EDEM1: variants seen among roughly 807,000 people sequenced by gnomAD.
EDEM1 encodes the protein ER degradation-enhancing alpha-mannosidase-like protein 1.
In EDEM1, 67 loss-of-function variants were observed where a neutral mutation model predicts 74.4. That is an observed-to-expected ratio of 0.90 (90% CI 0.74 to 1.10). The LOEUF (loss-of-function observed/expected upper bound fraction) is 1.10, where lower values mean the gene tolerates loss of function less well. Ranked by LOEUF, EDEM1 falls within the 50% of genes least tolerant of loss-of-function variation. The probability of loss-of-function intolerance (pLI) is 0.00; values close to 1 mark genes in which losing one functional copy is unlikely to be tolerated. For missense variants in EDEM1, 926 were observed against 851.6 expected (o/e 1.09, Z -1.09); for synonymous variants, 382 against 335.9 (o/e 1.14, Z -1.50).
intron 1 of EDEM1, among the ~76,000 whole-genome samples, chr3:5,188,710 C>T (rs886441719): frequency 3.3e-5 from 5 of 152,332 alleles, no homozygotes; most frequent in Non-Finnish European, 5.9e-5. Flanking sequence ...TCATGCCCCC[C>T]GTGTAAACGC....
intron 1 of EDEM1, among the ~76,000 whole-genome samples, chr3:5,193,286 A>T (rs895256658): frequency 2.6e-5 from 4 of 152,190 alleles, no homozygotes; most frequent in Admixed American, 2.0e-4. Flanking sequence ...AGAGCAGAAC[A>T]TTCTTGAGTT....
rs536822407 is a variant in EDEM1, at chr3:5,195,293, C to T, written c.582+12C>T. 2 of 1,513,584 alleles carry T rather than the reference C, an allele frequency of 1.3e-6. No individual in the cohort carries two copies. Among genetic ancestry groups the T allele is most frequent in the Admixed American group, 2.0e-5 (1 of 50,044 alleles). 93.8% of individuals were successfully genotyped at this position (1,513,584 alleles called of 1,614,324 possible). ...TGGATACACTTGCAGTAAGTGTTCA[C>T]CTTTTTTTAAAAAAATGAATTAAGA... On this transcript the variant is annotated intron_variant, in intron 2 of 11. Coordinates refer to ENST00000256497, the MANE Select transcript of EDEM1 (RefSeq NM_014674.3).
rs2055161020 is a variant in EDEM1, at chr3:5,211,057, T to G, written c.1584-63T>G. On this transcript the variant is annotated intron_variant, in intron 9 of 11. Transcript: ENST00000256497. ...ATTCTGATAAGAGAATGTTTCTGCT[T>G]CTTAAGTGAATCAGCAGGTGGGAAG... 5 of 1,431,954 alleles carry G rather than the reference T, an allele frequency of 3.5e-6. No homozygotes were observed. In the Admixed American group the frequency reaches 6.8e-5, roughly 20 times the overall value. The allele number at this position is 1,431,954 out of a possible 1,614,324, so 88.7% of individuals were successfully genotyped here. A position where few individuals can be genotyped will look rare whatever the true frequency, so the allele number is the denominator to read the frequency against.
chr3:5,199,629 A>G lies in EDEM1; in HGVS notation c.620A>G (p.Lys207Arg). 3 of 1,613,922 alleles carry G rather than the reference A, an allele frequency of 1.9e-6. No individual in the cohort carries two copies. Among genetic ancestry groups the G allele is most frequent in the Non-Finnish European group, 2.5e-6 (3 of 1,179,908 alleles). Reference sequence around the variant, plus strand: ...TCATCCGAGTTCCAGAAAGCCGTCAAGTTAGTGATCAACACAGTTTCATTT... The same window carrying G: ...TCATCCGAGTTCCAGAAAGCCGTCAGGTTAGTGATCAACACAGTTTCATTT... The part of the protein sequence containing the change: ...GNSSEFQKAV[K>R]LVINTVSFDK... The change falls in exon 3 of 12, where the codon AAG (lysine) becomes AGG (arginine). Residue 207 changes from lysine to arginine, a missense_variant. Transcript: ENST00000256497.
chr3:5,212,777 A>G (rs2106610280), intron 10 of EDEM1, among the ~76,000 whole-genome samples: 2 of 152,306 alleles, frequency 1.3e-5, no homozygotes, highest in Middle Eastern at 6.8e-3. Context: ...CCATTGAGGG[A>G]AAGGACTGTG....
At chr3:5,189,282 C>T (rs1193189449) in intron 1 of EDEM1, 3 of 152,214 alleles carry the variant, frequency 2.0e-5, no homozygotes, top group African/African-American at 7.2e-5. Flanking sequence ...CAAGCATTTT[C>T]CTTCACCTGG....
Position 5,188,222 on chromosome 3 carries a change from C to A in EDEM1, c.417C>A (p.Val139=). 6.3e-7 allele frequency: 1 copy of A among 1,584,348 alleles called. No individual in the cohort carries two copies. Among genetic ancestry groups the A allele is most frequent in the Non-Finnish European group, 8.6e-7 (1 of 1,167,486 alleles). ...GCGACCTGGCACGGGGCATGTTCGTCTTTGGCTACGACAACTACATGGCTC... is the reference window on the plus strand; with the variant it reads ...GCGACCTGGCACGGGGCATGTTCGTATTTGGCTACGACAACTACATGGCTC... ...QMRDLARGMF[V]FGYDNYMAHA... Residue 139 remains valine (V), a synonymous_variant, in exon 1 of 12, where the codon GTC becomes GTA. Coordinates refer to ENST00000256497, the MANE Select transcript of EDEM1 (RefSeq NM_014674.3).
At chr3:5,210,075 C>T (rs748531324) in intron 8 of EDEM1, 100 bp from the exon 9 acceptor site, 182 of 1,009,446 alleles carry the variant, frequency 1.8e-4, no homozygotes, top group Middle Eastern at 4.2e-4. Flanking sequence ...CTTTGGCTGG[C>T]GACTCGTCTC....
intron 9 of EDEM1, 62 bp from the exon 10 acceptor site, chr3:5,211,058 C>T (rs2055161076): frequency 2.1e-6 from 3 of 1,439,828 alleles, no homozygotes; most frequent in East Asian, 2.3e-5. Flanking sequence ...GTTTCTGCTT[C>T]TTAAGTGAAT....
intron 10 of EDEM1, among the ~76,000 whole-genome samples, chr3:5,212,870 G>A (rs996648597): frequency 6.6e-6 from 1 of 152,244 alleles, no homozygotes; most frequent in African/African-American, 2.4e-5. Context: ...TGGGCTCTGT[G>A]CTAGGCCCTG....
Position 5,217,536 on chromosome 3 carries a change from GT to G in EDEM1, c.*1620del, listed in dbSNP as rs1286337414. 6.6e-6 allele frequency: 1 copy of G among 152,510 alleles called. No homozygotes were observed. The allele number at this position is 152,510 out of a possible 1,614,324, so 9.4% of individuals were successfully genotyped here. A position where few individuals can be genotyped will look rare whatever the true frequency, so the allele number is the denominator to read the frequency against. On this transcript the variant is annotated 3_prime_UTR_variant, in exon 12 of 12. Transcript: ENST00000256497. ...TTATTCCTTCTTGAAAATTTTAAGT[GT>G]TATGGTTTTATATAGTTCAGTTCTT...
intron 1 of EDEM1, among the ~76,000 whole-genome samples, chr3:5,190,236 C>T (rs1051533599): frequency 6.6e-6 from 1 of 152,098 alleles, no homozygotes; most frequent in Non-Finnish European, 1.5e-5. Flanking sequence ...TGTGCTTTTC[C>T]ACTAGTGCTC....
At chr3:5,206,684 T>A (rs2055100925) in intron 6 of EDEM1, among the ~76,000 whole-genome samples, 1 of 152,216 alleles carries the variant, frequency 6.6e-6, no homozygotes, top group African/African-American at 2.4e-5. Context: ...TTATTTTTGC[T>A]TTTCAAAGCC....
At chr3:5,191,119 G>A (rs1301605934) in intron 1 of EDEM1, among the ~76,000 whole-genome samples, 3 of 152,096 alleles carry the variant, frequency 2.0e-5, no homozygotes, top group Non-Finnish European at 2.9e-5. Flanking sequence ...CGAATACTAG[G>A]CCTTGAGGAA....
chr3:5,215,867 CTT>C lies in EDEM1; in HGVS notation c.1924_1925del (p.Leu642LysfsTer9). 1 of 1,612,954 alleles carries C rather than the reference CTT, an allele frequency of 6.2e-7. No individual in the cohort carries two copies. The highest frequency in any genetic ancestry group is 1.1e-5 in the South Asian group (1 of 90,766). On this transcript the variant is annotated frameshift_variant, in exon 12 of 12. Coordinates refer to ENST00000256497, the MANE Select transcript of EDEM1 (RefSeq NM_014674.3). LOFTEE classifies it high-confidence loss of function. ...VPDERRYSLP[L>X]KSIYMRQIDQ... The stretch of plus-strand genomic sequence containing the variant: ...CTGATGAGAGGAGGTACTCCCTGCC[CTT>C]AAAGAGCATCTACATGCGACAGATT...
rs1363329305 is a variant in EDEM1, at chr3:5,213,315, C to T, written c.1681-4C>T. On this transcript the variant is annotated splice_region_variant and splice_polypyrimidine_tract_variant and intron_variant, in intron 10 of 11. Coordinates refer to ENST00000256497, the MANE Select transcript of EDEM1 (RefSeq NM_014674.3). ...GGTTGTATCTTTTTCTCCGTTCCCT[C>T]TAGCTGTTTGATGAAGACAATCCAG... 5 of 1,612,450 alleles carry T rather than the reference C, an allele frequency of 3.1e-6. No homozygotes were observed. In the Admixed American group the frequency reaches 5.0e-5, roughly 16 times the overall value.
At chr3:5,213,650 C>T (rs1281215406) in intron 11 of EDEM1, 128 bp downstream of exon 11, 1 of 863,610 alleles carries the variant, frequency 1.2e-6, no homozygotes, top group Non-Finnish European at 1.8e-6. Flanking sequence ...AAAACACCTC[C>T]TAAAGACACC....
chr3:5,187,946 G>T lies in EDEM1; in HGVS notation c.141G>T (p.Arg47Ser). The T allele has an allele frequency of 6.4e-7, 1 of 1,574,452 alleles. No homozygotes were observed. Among genetic ancestry groups the T allele is most frequent in the Non-Finnish European group, 8.6e-7 (1 of 1,164,086 alleles). ...TCAGCTTCGGCTTCCAGCGTCTGAG[G>T]AGCCCCGACGGCCCCGCGTCGCCCA... ...FPLSFGFQRL[R>S]SPDGPASPTS... is the part of the protein sequence containing the mutation. Residue 47 changes from arginine to serine, a missense_variant, in exon 1 of 12, where the codon AGG becomes AGT. Transcript: ENST00000256497.
At position 5,203,001 on chromosome 3, in the gene EDEM1, T is replaced by C. The variant is rs1180826489; in HGVS notation, c.894T>C (p.Asn298=). The C allele has an allele frequency of 1.1e-5, 18 of 1,613,866 alleles. No individual in the cohort carries two copies. Among genetic ancestry groups the C allele is most frequent in the Non-Finnish European group, 1.5e-5 (18 of 1,179,884 alleles). Residue 298 remains asparagine, a synonymous_variant, in exon 5 of 12, where the codon AAT becomes AAC. Coordinates refer to ENST00000256497, the MANE Select transcript of EDEM1 (RefSeq NM_014674.3). ...NLKTGVPPDT[N]NETCTAGAGS... ...AGACAGGAGTTCCTCCTGACACCAA[T>C]AATGAGACATGCACAGCGGGAGCCG...
Sources: gnomAD v4.1 joint callset for allele counts (sites outside exome capture counted in the v4.1 genomes callset) on GRCh38, gnomAD v4.1.1 for gene constraint, MANE v1.5 for transcripts, NCBI Gene and HGNC (gene_info 2026-07-23, HGNC 2026-07-21) for gene names.